The following STPG2 variants were observed in gnomAD, a reference collection of about 807,000 sequenced individuals.
STPG2 encodes sperm-tail PG-rich repeat-containing protein 2.
A neutral mutation model predicts 54.2 loss-of-function variants in STPG2; 56 were observed. That is an observed-to-expected ratio of 1.03 (90% CI 0.83 to 1.29). The LOEUF (loss-of-function observed/expected upper bound fraction) is 1.29, where lower values mean the gene tolerates loss of function less well. STPG2 is among the 50% of genes most tolerant of loss of function. The pLI is 0.00. For synonymous variants in STPG2, 200 were observed against 181.8 expected, an observed-to-expected ratio of 1.10 and a Z score of -0.81; for missense variants, 596 against 544.9, an observed-to-expected ratio of 1.09 and a Z score of -0.93.
chr4:97,453,641 C>T (rs79114392), intron 4 of STPG2, among the ~76,000 whole-genome samples: 6,308 of 152,214 alleles, frequency 0.041, 340 homozygotes, highest in African/African-American at 0.13. Context: ...ATTCAGGCCT[C>T]CTGTTTCCCA....
At chr4:98,034,810 T>A (rs905816190) in intron 5 of STPG2, among the ~76,000 whole-genome samples, 2 of 152,218 alleles carry the variant, frequency 1.3e-5, no homozygotes, top group Admixed American at 6.5e-5. Flanking sequence ...TACAACCATC[T>A]GATCTTTGAC....
At chr4:98,016,204 A>T (rs564581796) in intron 5 of STPG2, among the ~76,000 whole-genome samples, 1 of 152,306 alleles carries the variant, frequency 6.6e-6, no homozygotes, top group African/African-American at 2.4e-5. Flanking sequence ...CTTAAAGTAC[A>T]ACTAAAAACA....
Position 98,106,451 on chromosome 4 carries a change from A to T in STPG2, c.501-387T>A, listed in dbSNP as rs562175385. On this transcript the variant is annotated intron_variant, in intron 4 of 10. Coordinates refer to ENST00000295268, the MANE Select transcript of STPG2 (RefSeq NM_174952.3). ...AAAATAGCCCTATGCTATTTATATC[A>T]TAAAATAATCAGAAAAGGGCATAAA... is the stretch of plus-strand genomic sequence containing the variant. Among the ~76,000 whole-genome samples, 35 of 152,268 alleles carry T rather than the reference A, an allele frequency of 2.3e-4. No individual in the cohort carries two copies. In the South Asian group the frequency reaches 3.3e-3, roughly 14 times the overall value.
At chr4:97,710,465 G>A (rs1464680976) in intron 10 of STPG2, among the ~76,000 whole-genome samples, 1 of 151,886 alleles carries the variant, frequency 6.6e-6, no homozygotes, top group Non-Finnish European at 1.5e-5. Flanking sequence ...GGACAGTTGG[G>A]GATCCTTTGT....
intron 8 of STPG2, among the ~76,000 whole-genome samples, chr4:97,938,528 T>C (rs914399972): frequency 2.0e-4 from 30 of 151,980 alleles, no homozygotes; most frequent in Non-Finnish European, 2.6e-4. Flanking sequence ...CTTAGCCAGA[T>C]TCCAGCCAAT....
At chr4:97,665,126 C>T (rs1453993727) in intron 10 of STPG2, among the ~76,000 whole-genome samples, 1 of 152,164 alleles carries the variant, frequency 6.6e-6, no homozygotes, top group Non-Finnish European at 1.5e-5. Flanking sequence ...GAGGGTGTCA[C>T]AGTGCTGGCT....
At chr4:98,126,046 A>C (rs2110160072) in intron 3 of STPG2, among the ~76,000 whole-genome samples, 1 of 152,278 alleles carries the variant, frequency 6.6e-6, no homozygotes, top group Non-Finnish European at 1.5e-5. Context: ...AGCTGCAGAG[A>C]TGGCAGCCAC....
intron 5 of STPG2, among the ~76,000 whole-genome samples, chr4:98,016,171 C>T (rs1021981744): frequency 6.6e-5 from 10 of 152,126 alleles, no homozygotes; most frequent in Admixed American, 1.3e-4. Flanking sequence ...CAAACCTGCA[C>T]GCTCTGCACA....
At chr4:97,818,432 A>G (rs771941837) in intron 9 of STPG2, among the ~76,000 whole-genome samples, 4 of 151,894 alleles carry the variant, frequency 2.6e-5, no homozygotes, top group Non-Finnish European at 4.4e-5. Context: ...TATTGTTATA[A>G]AAGTTGTGTG....
chr4:97,500,932 G>C (rs984269830), intron 4 of STPG2, among the ~76,000 whole-genome samples: 1 of 151,994 alleles, frequency 6.6e-6, no homozygotes, highest in Non-Finnish European at 1.5e-5. Flanking sequence ...ATGGAGACAG[G>C]GGTATGTAGC....
chr4:97,729,586 C>T (rs953513225), intron 9 of STPG2, among the ~76,000 whole-genome samples: 1 of 152,060 alleles, frequency 6.6e-6, no homozygotes, highest in Non-Finnish European at 1.5e-5. Flanking sequence ...GGAGTTCTTT[C>T]CCCTATTACA....
intron 10 of STPG2, among the ~76,000 whole-genome samples, chr4:97,570,649 G>A (rs1333547000): frequency 1.3e-5 from 2 of 152,010 alleles, no homozygotes; most frequent in African/African-American, 4.8e-5. Context: ...TTATGGAAAT[G>A]GAGATGGTAC....
intron 10 of STPG2, among the ~76,000 whole-genome samples, chr4:97,660,998 A>G (rs61628941): frequency 0.018 from 2,694 of 152,286 alleles, 75 homozygotes; most frequent in African/African-American, 0.061. Context: ...TAATAAACAA[A>G]AACATGCTTT....
chr4:97,859,222 T>C (rs950104395), intron 8 of STPG2, among the ~76,000 whole-genome samples: 1 of 152,200 alleles, frequency 6.6e-6, no homozygotes, highest in Non-Finnish European at 1.5e-5. Flanking sequence ...TCATGTCCTT[T>C]GGTCACTTTT....
intron 4 of STPG2, among the ~76,000 whole-genome samples, chr4:97,537,085 G>A (rs757957991): frequency 1.1e-4 from 16 of 152,160 alleles, no homozygotes; most frequent in Non-Finnish European, 1.6e-4. Context: ...TGGCCAAATA[G>A]GAATAGCTCC....
chr4:97,762,944 T>C (rs1265158109), intron 9 of STPG2, among the ~76,000 whole-genome samples: 1 of 152,170 alleles, frequency 6.6e-6, no homozygotes, highest in Non-Finnish European at 1.5e-5. Context: ...AATTTGACCT[T>C]CAGAATATAA....
chr4:97,611,402 T>C (rs1221765901), intron 10 of STPG2, among the ~76,000 whole-genome samples: 1 of 151,854 alleles, frequency 6.6e-6, no homozygotes, highest in African/African-American at 2.4e-5. Context: ...GAGATGCTAA[T>C]TTGGGAAATA....
intron 4 of STPG2, among the ~76,000 whole-genome samples, chr4:97,447,990 C>T (rs1480008045): frequency 6.6e-6 from 1 of 152,116 alleles, no homozygotes; most frequent in East Asian, 1.9e-4. Context: ...GTGGGAGCCC[C>T]CTCCCCATTT....
intron 8 of STPG2, among the ~76,000 whole-genome samples, chr4:97,882,192 G>T (rs1015178828): frequency 2.6e-5 from 4 of 152,160 alleles, no homozygotes; most frequent in African/African-American, 7.2e-5. Flanking sequence ...CCGGGGAACT[G>T]AAGATACAAA....
Sources: allele counts gnomAD v4.1 joint callset (sites outside exome capture counted in the v4.1 genomes callset), GRCh38; gene constraint gnomAD v4.1.1; transcripts MANE v1.5; gene names NCBI Gene and HGNC (gene_info 2026-07-23, HGNC 2026-07-21).